SLC39A11: variants seen among roughly 807,000 people sequenced by gnomAD.
The protein encoded by SLC39A11 is solute carrier family 39 member 11.
SLC39A11 carries 33 observed loss-of-function variants against 36.1 expected under a neutral mutation model. The ratio of observed to expected loss-of-function variants is 0.91; its 90% CI spans 0.69 to 1.22. SLC39A11 has a LOEUF of 1.22. Among genes scored for constraint, SLC39A11 ranks in the 50% most tolerant of loss-of-function variants. The pLI, the probability that SLC39A11 is intolerant of heterozygous loss-of-function variation, is 0.00. For missense variants in SLC39A11, 432 were observed against 430.3 expected (o/e 1.00, Z -0.03); for synonymous variants, 166 against 170.3 (o/e 0.97, Z 0.20).
At chr17:72,904,875 T>C (rs2146997182) in intron 5 of SLC39A11, among the ~76,000 whole-genome samples, 1 of 152,234 alleles carries the variant, frequency 6.6e-6, no homozygotes, top group South Asian at 2.1e-4. Flanking sequence ...ATTTCTTTAC[T>C]CAAGAAAAGA....
At chr17:72,741,525 CA>C (rs1303577904) in intron 6 of SLC39A11, among the ~76,000 whole-genome samples, 2 of 152,252 alleles carry the variant, frequency 1.3e-5, no homozygotes, top group African/African-American at 4.8e-5. Context: ...GCTTATAGCC[CA>C]GTGTCTAGCA....
intron 4 of SLC39A11, among the ~76,000 whole-genome samples, chr17:73,000,612 C>T (rs1013212443): frequency 9.9e-5 from 15 of 152,194 alleles, no homozygotes; most frequent in Non-Finnish European, 7.3e-5. Flanking sequence ...TACTTGGTAT[C>T]CTTAATAAGC....
chr17:72,719,895 G>A (rs2714035), intron 7 of SLC39A11, among the ~76,000 whole-genome samples: 106,775 of 152,056 alleles, frequency 0.7, 38,402 homozygotes, highest in African/African-American at 0.83. Context: ...GCTGCTGCCC[G>A]GCGGATGGGG....
chr17:72,965,053 G>A (rs1466703197), intron 4 of SLC39A11, among the ~76,000 whole-genome samples: 2 of 150,614 alleles, frequency 1.3e-5, no homozygotes, highest in East Asian at 2.0e-4. Flanking sequence ...ATTGAACAAT[G>A]AGAACACTTG....
intron 3 of SLC39A11, among the ~76,000 whole-genome samples, chr17:73,050,885 G>C (rs923740235): frequency 6.6e-6 from 1 of 152,196 alleles, no homozygotes; most frequent in Non-Finnish European, 1.5e-5. Context: ...AGTGTCATCA[G>C]TGCAGGTGAG....
chr17:72,678,338 G>C (rs11649723), intron 7 of SLC39A11, among the ~76,000 whole-genome samples: 34,837 of 151,982 alleles, frequency 0.23, 4,302 homozygotes, highest in South Asian at 0.26. Context: ...TGTGAACAGC[G>C]AGAAGGAGGG....
At chr17:73,043,104 G>A (rs2059163294) in intron 3 of SLC39A11, among the ~76,000 whole-genome samples, 1 of 152,260 alleles carries the variant, frequency 6.6e-6, no homozygotes, top group East Asian at 1.9e-4. Flanking sequence ...GCCAAGAAAG[G>A]GGATACCAAT....
chr17:72,672,801 A>G (rs887913508), intron 7 of SLC39A11, among the ~76,000 whole-genome samples: 7 of 152,098 alleles, frequency 4.6e-5, no homozygotes, highest in African/African-American at 1.7e-4. Context: ...AGGTCTCACT[A>G]TGCCGCTCAG....
chr17:73,052,088 T>C (rs2059523921), intron 3 of SLC39A11, among the ~76,000 whole-genome samples: 1 of 151,914 alleles, frequency 6.6e-6, no homozygotes. Flanking sequence ...ACTCAACATG[T>C]TGGCTATTTC....
In SLC39A11 at chr17:72,964,681, GA is replaced by G. The variant is rs562045473; in HGVS notation, c.307-16807del. Among the ~76,000 whole-genome samples the G allele has an allele frequency of 4.6e-4, 70 of 152,310 alleles. No homozygotes were observed. In the South Asian group the frequency reaches 0.014, roughly 31 times the overall value. ...ACTGTAAACTAGTTCAACCATTGTGGAAGACAGTGTGGCAATTACTCAGGGA... is the reference window on the plus strand; with the variant it reads ...ACTGTAAACTAGTTCAACCATTGTGGAGACAGTGTGGCAATTACTCAGGGA... On this transcript the variant is annotated intron_variant, in intron 4 of 9. Transcript: ENST00000255559.
intron 4 of SLC39A11, among the ~76,000 whole-genome samples, chr17:73,021,241 G>T (rs1360263983): frequency 6.6e-6 from 1 of 152,182 alleles, no homozygotes; most frequent in Admixed American, 6.5e-5. Flanking sequence ...CCAGCTAGGG[G>T]TACGGTTATA....
At chr17:73,035,279 T>C (rs953001258) in intron 3 of SLC39A11, among the ~76,000 whole-genome samples, 9 of 152,146 alleles carry the variant, frequency 5.9e-5, no homozygotes, top group Non-Finnish European at 8.8e-5. Context: ...GAGCTGGGAT[T>C]ACAGGCATGA....
chr17:72,771,849 A>C (rs1233544115), intron 6 of SLC39A11, among the ~76,000 whole-genome samples: 1 of 152,232 alleles, frequency 6.6e-6, no homozygotes, highest in Non-Finnish European at 1.5e-5. Context: ...AGTGATCGGC[A>C]AAAGAAATGG....
intron 6 of SLC39A11, among the ~76,000 whole-genome samples, chr17:72,782,302 C>T (rs1196720100): frequency 6.6e-6 from 1 of 152,190 alleles, no homozygotes; most frequent in African/African-American, 2.4e-5. Context: ...CACTGAGAGT[C>T]TCCAGAAGGA....
intron 7 of SLC39A11, among the ~76,000 whole-genome samples, chr17:72,676,580 C>A (rs867331628): frequency 1.9e-4 from 29 of 152,134 alleles, no homozygotes; most frequent in African/African-American, 6.3e-4. Context: ...TGTGAGACTG[C>A]TGTCCTTAGA....
intron 7 of SLC39A11, among the ~76,000 whole-genome samples, chr17:72,696,878 C>T (rs538530726): frequency 1.3e-4 from 20 of 152,276 alleles, no homozygotes; most frequent in African/African-American, 4.1e-4. Flanking sequence ...GATCAGCTTG[C>T]GGTTACAAGC....
At chr17:72,829,866 C>T (rs778082034) in intron 6 of SLC39A11, among the ~76,000 whole-genome samples, 8 of 152,084 alleles carry the variant, frequency 5.3e-5, no homozygotes, top group Non-Finnish European at 1.2e-4. Context: ...TTTGAGCCCC[C>T]CACTCAGCTG....
chr17:73,074,231 A>AT (rs924543359), intron 3 of SLC39A11, among the ~76,000 whole-genome samples: 1 of 151,552 alleles, frequency 6.6e-6, no homozygotes, highest in Non-Finnish European at 1.5e-5. Flanking sequence ...CCTCAATCAT[A>AT]TTTACTCTAG....
chr17:73,034,421 C>T (rs909978515), intron 3 of SLC39A11, among the ~76,000 whole-genome samples: 9 of 152,168 alleles, frequency 5.9e-5, no homozygotes, highest in Admixed American at 5.9e-4. Flanking sequence ...AGGGTTTTGC[C>T]GTGTTGGCCA....
Sources: allele counts gnomAD v4.1 joint callset (sites outside exome capture counted in the v4.1 genomes callset), GRCh38; gene constraint gnomAD v4.1.1; transcripts MANE v1.5; gene names NCBI Gene and HGNC (gene_info 2026-07-23, HGNC 2026-07-21).